Variants in TPST1 observed in about 807,000 individuals in gnomAD.
The protein encoded by TPST1 is protein-tyrosine sulfotransferase 1.
A neutral mutation model predicts 34.8 loss-of-function variants in TPST1; 20 were observed. The ratio of observed to expected loss-of-function variants is 0.57; its 90% CI spans 0.40 to 0.84. The LOEUF (loss-of-function observed/expected upper bound fraction) is 0.84. TPST1 is among the 40% of genes least tolerant of loss of function. The probability of loss-of-function intolerance (pLI) is 0.00; values close to 1 mark genes in which losing one functional copy is unlikely to be tolerated. For missense variants in TPST1, 353 were observed against 455.5 expected, an observed-to-expected ratio of 0.78 and a Z score of 2.05; for synonymous variants, 152 against 159.4, an observed-to-expected ratio of 0.95 and a Z score of 0.35.
At chr7:66,322,918 T>G (rs1019429115) in intron 3 of TPST1, among the ~76,000 whole-genome samples, 1 of 152,066 alleles carries the variant, frequency 6.6e-6, no homozygotes, top group African/African-American at 2.4e-5. Context: ...TGTTATTTTT[T>G]TTATTTTTTT....
chr7:66,229,338 C>T (rs1411791896), intron 1 of TPST1, among the ~76,000 whole-genome samples: 1 of 152,160 alleles, frequency 6.6e-6, no homozygotes, highest in African/African-American at 2.4e-5. Context: ...TCTCGATCTC[C>T]TGACCTCGTG....
At chr7:66,348,006 T>C (rs1433906197) in intron 3 of TPST1, among the ~76,000 whole-genome samples, 1 of 152,226 alleles carries the variant, frequency 6.6e-6, no homozygotes, top group African/African-American at 2.4e-5. Flanking sequence ...ATGAAATATT[T>C]AAAGTATTGA....
intron 3 of TPST1, among the ~76,000 whole-genome samples, chr7:66,350,526 C>T (rs546572517): frequency 2.6e-4 from 38 of 148,194 alleles, no homozygotes; most frequent in Non-Finnish European, 4.2e-4. Context: ...TAGACTGTAA[C>T]GGAGAACAAA....
chr7:66,357,259 T>G (rs1792600334), intron 5 of TPST1, among the ~76,000 whole-genome samples: 1 of 152,196 alleles, frequency 6.6e-6, no homozygotes, highest in South Asian at 2.1e-4. Flanking sequence ...AGGTCGTTTG[T>G]CAGGACCATA....
At chr7:66,265,242 G>T (rs534787164) in intron 2 of TPST1, among the ~76,000 whole-genome samples, 2 of 152,266 alleles carry the variant, frequency 1.3e-5, no homozygotes, top group South Asian at 4.1e-4. Flanking sequence ...AGATGGTGGG[G>T]CAGAAGGATA....
chr7:66,256,874 G>A (rs1311403141), intron 2 of TPST1, among the ~76,000 whole-genome samples: 1 of 152,192 alleles, frequency 6.6e-6, no homozygotes, highest in Non-Finnish European at 1.5e-5. Flanking sequence ...GTCTCATTCT[G>A]TTACAGCATC....
intron 3 of TPST1, among the ~76,000 whole-genome samples, chr7:66,298,481 A>G (rs1791247055): frequency 6.6e-6 from 1 of 152,184 alleles, no homozygotes; most frequent in African/African-American, 2.4e-5. Context: ...TATACATGGT[A>G]TATTTTCCCG....
intron 1 of TPST1, among the ~76,000 whole-genome samples, chr7:66,214,508 T>C (rs1276839912): frequency 6.6e-6 from 1 of 151,760 alleles, no homozygotes; most frequent in East Asian, 1.9e-4. Context: ...ATGTAATGAG[T>C]TCGGAAGTGT....
intron 2 of TPST1, among the ~76,000 whole-genome samples, chr7:66,283,191 G>A (rs796212962): frequency 7.2e-5 from 11 of 152,228 alleles, no homozygotes; most frequent in African/African-American, 2.2e-4. Flanking sequence ...AACCCAGGAG[G>A]CAGAGGTTAT....
At chr7:66,238,731 G>A (rs1386956763) in intron 1 of TPST1, among the ~76,000 whole-genome samples, 2 of 152,182 alleles carry the variant, frequency 1.3e-5, no homozygotes, top group Non-Finnish European at 2.9e-5. Flanking sequence ...CTAGATTGGT[G>A]TTTGATCAAA....
intron 1 of TPST1, among the ~76,000 whole-genome samples, chr7:66,225,106 G>A (rs1361714938): frequency 2.7e-5 from 4 of 150,416 alleles, no homozygotes; most frequent in East Asian, 2.0e-4. Context: ...TAGTAGAGAC[G>A]GGGTTTCGCC....
At chr7:66,294,563 T>TA (rs1189664050) in intron 3 of TPST1, among the ~76,000 whole-genome samples, 4 of 151,414 alleles carry the variant, frequency 2.6e-5, no homozygotes, top group Admixed American at 1.3e-4. Flanking sequence ...GAGGGCAAAT[T>TA]AAAAAAAACA....
intron 2 of TPST1, among the ~76,000 whole-genome samples, chr7:66,262,381 CT>C (rs1285864541): frequency 6.6e-6 from 1 of 152,266 alleles, no homozygotes; most frequent in East Asian, 1.9e-4. Context: ...CCTTTTATGC[CT>C]TGTGGGAGCC....
chr7:66,210,511 A>G (rs1253820431), intron 1 of TPST1, among the ~76,000 whole-genome samples: 1 of 152,210 alleles, frequency 6.6e-6, no homozygotes, highest in Admixed American at 6.5e-5. Flanking sequence ...AGGCATCCAC[A>G]GGGATTCTGT....
At chr7:66,342,636 G>A (rs1792260554) in intron 3 of TPST1, among the ~76,000 whole-genome samples, 1 of 152,144 alleles carries the variant, frequency 6.6e-6, no homozygotes, top group Non-Finnish European at 1.5e-5. Context: ...TTAGCTTCTG[G>A]TGAGGCCTCA....
chr7:66,345,945 C>T (rs1205960983), intron 3 of TPST1, among the ~76,000 whole-genome samples: 2 of 151,846 alleles, frequency 1.3e-5, no homozygotes, highest in African/African-American at 2.4e-5. Flanking sequence ...TATTTTTGTA[C>T]CCTATAATTA....
chr7:66,265,848 C>T (rs557943071), intron 2 of TPST1, among the ~76,000 whole-genome samples: 1 of 152,302 alleles, frequency 6.6e-6, no homozygotes, highest in South Asian at 2.1e-4. Flanking sequence ...TTGATGTACT[C>T]ACATCCCTGA....
At chr7:66,242,551 T>C (rs1190326915) in intron 2 of TPST1, among the ~76,000 whole-genome samples, 2 of 152,236 alleles carry the variant, frequency 1.3e-5, no homozygotes, top group African/African-American at 4.8e-5. Context: ...GTTGTTTTTA[T>C]TGATTCAAAG....
chr7:66,299,909 C>A (rs1298919217), intron 3 of TPST1, among the ~76,000 whole-genome samples: 1 of 152,102 alleles, frequency 6.6e-6, no homozygotes, highest in Admixed American at 6.5e-5. Context: ...TTCCAGACCA[C>A]CAAAATAAAG....
Sources: gnomAD v4.1 joint callset for allele counts (sites outside exome capture counted in the v4.1 genomes callset) on GRCh38, gnomAD v4.1.1 for gene constraint, MANE v1.5 for transcripts, NCBI Gene and HGNC (gene_info 2026-07-23, HGNC 2026-07-21) for gene names.